Variants in KCNQ5 observed in about 807,000 individuals in gnomAD.
The protein encoded by KCNQ5 is potassium voltage-gated channel subfamily Q member 5.
Under a neutral mutation model 98.2 loss-of-function variants are expected in KCNQ5, and 30 were observed. The ratio of observed to expected loss-of-function variants is 0.31; its 90% CI spans 0.23 to 0.41. The LOEUF (loss-of-function observed/expected upper bound fraction) is 0.41. Among genes scored for constraint, KCNQ5 ranks in the 10% least tolerant of loss-of-function variants. KCNQ5 has a pLI of 1.00. For synonymous variants in KCNQ5, 458 were observed against 449.4 expected (o/e 1.02, Z -0.24); for missense variants, 835 against 1,182.5 (o/e 0.71, Z 4.31).
intron 1 of KCNQ5, among the ~76,000 whole-genome samples, chr6:72,648,218 C>T (rs1172073300): frequency 6.6e-6 from 1 of 152,144 alleles, no homozygotes; most frequent in African/African-American, 2.4e-5. Flanking sequence ...AACAGTAGCA[C>T]TGTACACAAG....
intron 8 of KCNQ5, 138 bp downstream of exon 8, chr6:73,120,715 A>T: frequency 2.2e-6 from 1 of 445,260 alleles, no homozygotes; most frequent in South Asian, 7.1e-5. Context: ...ATTCAAACCT[A>T]TTTAGTAGCA....
intron 1 of KCNQ5, among the ~76,000 whole-genome samples, chr6:72,772,817 C>T (rs978591658): frequency 6.6e-6 from 1 of 152,150 alleles, no homozygotes; most frequent in Non-Finnish European, 1.5e-5. Flanking sequence ...CACTTGCAAA[C>T]ATTGAGAAAT....
chr6:72,878,840 A>G (rs1778524436), intron 1 of KCNQ5, among the ~76,000 whole-genome samples: 1 of 152,096 alleles, frequency 6.6e-6, no homozygotes, highest in Non-Finnish European at 1.5e-5. Flanking sequence ...TGAATATGCC[A>G]TTTTATTAGT....
At chr6:72,881,881 G>A (rs897984086) in intron 1 of KCNQ5, among the ~76,000 whole-genome samples, 1 of 152,058 alleles carries the variant, frequency 6.6e-6, no homozygotes, top group Non-Finnish European at 1.5e-5. Flanking sequence ...CAGTAGAGAT[G>A]GGGTTTCGCC....
At position 72,943,615 on chromosome 6, in the gene KCNQ5, T is replaced by C. The variant is rs144396293; in HGVS notation, c.399-60293T>C. ...TATTACTAAGAGTGAGTTAAATACCTTTTCAGCGCATTCATTTGAGGAGAC... is the reference window on the plus strand; with the variant it reads ...TATTACTAAGAGTGAGTTAAATACCCTTTCAGCGCATTCATTTGAGGAGAC... On this transcript the variant is annotated intron_variant, in intron 1 of 13. Coordinates refer to ENST00000370398, the MANE Select transcript of KCNQ5 (RefSeq NM_019842.4). Among the ~76,000 whole-genome samples the C allele has an allele frequency of 6.8e-4, 104 of 152,334 alleles. 1 individual carries two copies. In the East Asian group the frequency reaches 0.016, roughly 23 times the overall value.
rs367686769 is a variant in KCNQ5, at chr6:72,784,959, C to T, written c.398+162372C>T. The stretch of plus-strand genomic sequence containing the variant: ...ATCACATAATCAAAGGAAAATAATA[C>T]ATCTAAGCACCAAACTACAAAAAGC... On this transcript the variant is annotated intron_variant, in intron 1 of 13. Coordinates refer to ENST00000370398, the MANE Select transcript of KCNQ5 (RefSeq NM_019842.4). Among the ~76,000 whole-genome samples the T allele has an allele frequency of 5.6e-4, 85 of 152,250 alleles. 3 individuals carry two copies. The highest frequency in any genetic ancestry group is 2.0e-3 in the African/African-American group (85 of 41,542).
intron 2 of KCNQ5, among the ~76,000 whole-genome samples, chr6:73,016,730 C>T (rs942681585): frequency 1.3e-5 from 2 of 152,098 alleles, no homozygotes; most frequent in Admixed American, 6.6e-5. Flanking sequence ...AGAGAACTTA[C>T]AGGTTAAACC....
chr6:72,899,529 ATTT>A (rs988511388), intron 1 of KCNQ5, among the ~76,000 whole-genome samples: 2 of 152,142 alleles, frequency 1.3e-5, no homozygotes, highest in Non-Finnish European at 2.9e-5. Flanking sequence ...ACTGTGTAAA[ATTT>A]TTATCTCAAA....
At chr6:72,661,939 T>C (rs78170047) in intron 1 of KCNQ5, among the ~76,000 whole-genome samples, 3,403 of 152,250 alleles carry the variant, frequency 0.022, 118 homozygotes, top group African/African-American at 0.076. Context: ...CAGCACCCAA[T>C]AGAGTGTCAC....
At chr6:72,922,167 C>T (rs1780428258) in intron 1 of KCNQ5, among the ~76,000 whole-genome samples, 1 of 152,070 alleles carries the variant, frequency 6.6e-6, no homozygotes, top group Admixed American at 6.6e-5. Context: ...TAAACATATA[C>T]CAAACACTCA....
rs189872609 is a variant in KCNQ5, at chr6:73,067,939, G to T, written c.617-9383G>T. Among the ~76,000 whole-genome samples the T allele has an allele frequency of 1.2e-3, 176 of 151,124 alleles. 1 individual carries two copies. Among genetic ancestry groups the T allele is most frequent in the African/African-American group, 4.1e-3 (168 of 40,848 alleles). On this transcript the variant is annotated intron_variant, in intron 3 of 13. Transcript: ENST00000370398. Reference sequence around the variant, plus strand: ...TTTGTATGGAATCTTACCACCTAAAGATAATCACCATTAATATGCAAATGT... The same window carrying T: ...TTTGTATGGAATCTTACCACCTAAATATAATCACCATTAATATGCAAATGT...
intron 1 of KCNQ5, among the ~76,000 whole-genome samples, chr6:72,838,818 C>T (rs1208578511): frequency 2.0e-5 from 3 of 150,612 alleles, no homozygotes; most frequent in Non-Finnish European, 3.0e-5. Context: ...GGCGTGGTAG[C>T]GGGCGCCTGT....
At chr6:72,924,690 C>G (rs1229188574) in intron 1 of KCNQ5, among the ~76,000 whole-genome samples, 1 of 152,200 alleles carries the variant, frequency 6.6e-6, no homozygotes, top group Non-Finnish European at 1.5e-5. Context: ...ATACCACACA[C>G]ACACCTTCAA....
At chr6:72,696,743 T>A (rs1768527099) in intron 1 of KCNQ5, among the ~76,000 whole-genome samples, 1 of 152,222 alleles carries the variant, frequency 6.6e-6, no homozygotes, top group African/African-American at 2.4e-5. Context: ...CTTGGATTTA[T>A]AATTGGAAAC....
chr6:73,018,836 C>G (rs9446822), intron 2 of KCNQ5, among the ~76,000 whole-genome samples: 8,117 of 152,182 alleles, frequency 0.053, 751 homozygotes, highest in African/African-American at 0.19. Context: ...TTATTTTTCT[C>G]ATATAATAGC....
Position 73,195,110 on chromosome 6 carries a change from T to C in KCNQ5, c.2495T>C (p.Val832Ala). The C allele has an allele frequency of 6.2e-7, 1 of 1,614,188 alleles. No homozygotes were observed. Among genetic ancestry groups the C allele is most frequent in the East Asian group, 2.2e-5 (1 of 44,880 alleles). ...VPKDLGKSLS[V>A]QNLIRSTEEL... The stretch of plus-strand genomic sequence containing the variant: ...AAGGACTTGGGCAAATCTTTGTCTG[T>C]GCAAAACCTGATCAGGTCGACCGAG... The change falls in exon 14 of 14, where the codon GTG (valine) becomes GCG (alanine). Residue 832 changes from valine (V) to alanine (A), a missense_variant. This residue lies in a region of KCNQ5 where 416 missense variants were observed against 446.9 expected (regional missense o/e 0.93). Coordinates refer to ENST00000370398, the MANE Select transcript of KCNQ5 (RefSeq NM_019842.4).
Position 72,643,788 on chromosome 6 carries a change from A to T in KCNQ5, c.398+21201A>T, listed in dbSNP as rs547392782. Reference sequence around the variant, plus strand: ...TTATGTATTTGTCACAGAAACCAGAATTTTCTTTAATTTAGAGATTTCTTT... The same window carrying T: ...TTATGTATTTGTCACAGAAACCAGATTTTTCTTTAATTTAGAGATTTCTTT... On this transcript the variant is annotated intron_variant, in intron 1 of 13. Transcript: ENST00000370398. Among the ~76,000 whole-genome samples, 12 of 152,288 alleles carry T rather than the reference A, an allele frequency of 7.9e-5. No homozygotes were observed. The South Asian group carries it at 2.5e-3, about 32-fold the overall frequency.
chr6:72,709,331 AT>A (rs1459715271), intron 1 of KCNQ5, among the ~76,000 whole-genome samples: 17 of 152,338 alleles, frequency 1.1e-4, no homozygotes, highest in African/African-American at 4.1e-4. Flanking sequence ...AATCCCATTC[AT>A]TAGTGAACTA....
At chr6:73,048,824 A>ACTT (rs1429824438) in intron 3 of KCNQ5, among the ~76,000 whole-genome samples, 1 of 152,174 alleles carries the variant, frequency 6.6e-6, no homozygotes, top group Non-Finnish European at 1.5e-5. Context: ...TGTGATGGAA[A>ACTT]CTTTTTTACA....
Sources: gnomAD v4.1 joint callset for allele counts (sites outside exome capture counted in the v4.1 genomes callset) on GRCh38, gnomAD v4.1.1 for gene constraint, gnomAD v4.1.1 regional missense constraint, MANE v1.5 for transcripts, NCBI Gene and HGNC (gene_info 2026-07-23, HGNC 2026-07-21) for gene names.